The following KLF12 variants were observed in gnomAD, a reference collection of about 807,000 sequenced individuals.
KLF12 encodes the protein KLF transcription factor 12, also known as Krueppel-like factor 12.
A neutral mutation model predicts 37.8 loss-of-function variants in KLF12; 9 were observed. The observed-to-expected ratio is 0.24, with a 90% CI of 0.14 to 0.42. KLF12 has a LOEUF of 0.42. Among genes scored for constraint, KLF12 ranks in the 10% least tolerant of loss-of-function variants. The pLI, the probability that KLF12 is intolerant of heterozygous loss-of-function variation, is 1.00. For missense variants in KLF12, 411 were observed against 516.0 expected (o/e 0.80, Z 1.97); for synonymous variants, 208 against 202.1 (o/e 1.03, Z -0.25).
chr13:73,779,445 G>C (rs1243989124), intron 5 of KLF12, among the ~76,000 whole-genome samples: 4 of 152,174 alleles, frequency 2.6e-5, no homozygotes, highest in Non-Finnish European at 5.9e-5. Flanking sequence ...TGTCAGGTTG[G>C]TGAATACATC....
the KLF12 span, chr13:74,257,034 A>G: frequency 6.6e-6 from 1 of 152,228 alleles, no homozygotes; most frequent in East Asian, 1.9e-4. Context: ...GGAATTGTCA[A>G]AAGTTGCGGT....
At chr13:73,825,968 T>C (rs556845432) in intron 4 of KLF12, among the ~76,000 whole-genome samples, 1 of 152,034 alleles carries the variant, frequency 6.6e-6, no homozygotes, top group East Asian at 1.9e-4. Flanking sequence ...GGCAAATCAA[T>C]CATTCAACAT....
At chr13:73,737,273 T>C (rs936013997) in intron 6 of KLF12, among the ~76,000 whole-genome samples, 5 of 152,234 alleles carry the variant, frequency 3.3e-5, no homozygotes, top group African/African-American at 1.2e-4. Flanking sequence ...TAGCCTTTCT[T>C]TGAGTCACAA....
In KLF12 at chr13:74,086,707, AAAATCTTTGTG is replaced by A. The variant is rs538444200; in HGVS notation, c.-32+47021_-32+47031del. On this transcript the variant is annotated intron_variant, in intron 1 of 7. Transcript: ENST00000377669. ...CTGACCCCTACCTCGGGCACAGTGA[AAAATCTTTGTG>A]TAATGTTTGACTCCCCAAAAACTTA... Among the ~76,000 whole-genome samples the A allele has an allele frequency of 3.1e-3, 473 of 152,230 alleles. 6 individuals are homozygous for A. The highest frequency in any genetic ancestry group is 0.011 in the African/African-American group (443 of 41,528).
chr13:74,099,038 T>C (rs1876148455), intron 1 of KLF12, among the ~76,000 whole-genome samples: 1 of 152,170 alleles, frequency 6.6e-6, no homozygotes, highest in Admixed American at 6.5e-5. Flanking sequence ...ATTATCATTG[T>C]ATAAATGGGG....
chr13:73,826,751 C>T (rs1358952033), intron 4 of KLF12, among the ~76,000 whole-genome samples: 1 of 147,474 alleles, frequency 6.8e-6, no homozygotes, highest in East Asian at 2.0e-4. Flanking sequence ...TGGCATATAA[C>T]AATATCATAT....
chr13:74,233,335 C>G, the KLF12 span, among the ~76,000 whole-genome samples: 3 of 152,122 alleles, frequency 2.0e-5, no homozygotes, highest in Non-Finnish European at 4.4e-5. Flanking sequence ...CTGACCTGCT[C>G]CATCCACTAT....
At chr13:74,183,868 C>T in the KLF12 span, among the ~76,000 whole-genome samples, 1 of 152,098 alleles carries the variant, frequency 6.6e-6, no homozygotes, top group Non-Finnish European at 1.5e-5. Flanking sequence ...GCCTGGGGGA[C>T]GGAGGTTACC....
intron 1 of KLF12, among the ~76,000 whole-genome samples, chr13:74,107,275 A>G (rs1314889058): frequency 1.3e-5 from 2 of 152,248 alleles, no homozygotes; most frequent in Non-Finnish European, 2.9e-5. Flanking sequence ...TCAACAGACC[A>G]TAGTAGATGC....
At chr13:73,950,819 G>C (rs1890616474) in intron 2 of KLF12, among the ~76,000 whole-genome samples, 1 of 152,180 alleles carries the variant, frequency 6.6e-6, no homozygotes, top group Non-Finnish European at 1.5e-5. Context: ...GAAAAGAATT[G>C]ACTTCAGTCC....
intron 2 of KLF12, among the ~76,000 whole-genome samples, chr13:73,971,134 A>T (rs964152885): frequency 6.6e-6 from 1 of 152,256 alleles, no homozygotes; most frequent in African/African-American, 2.4e-5. Flanking sequence ...TTTTAAAAAT[A>T]CATATTGATA....
chr13:74,094,194 T>TA (rs1371664832), intron 1 of KLF12, among the ~76,000 whole-genome samples: 2 of 152,162 alleles, frequency 1.3e-5, no homozygotes, highest in African/African-American at 4.8e-5. Context: ...AGAAAAGGTT[T>TA]AAAATCTCAT....
intron 1 of KLF12, among the ~76,000 whole-genome samples, chr13:74,056,239 G>A (rs1873234873): frequency 6.6e-6 from 1 of 152,132 alleles, no homozygotes; most frequent in Non-Finnish European, 1.5e-5. Context: ...TAAAGAGGAA[G>A]AAAACCAAGA....
chr13:74,190,274 A>G, the KLF12 span, among the ~76,000 whole-genome samples: 4 of 152,178 alleles, frequency 2.6e-5, no homozygotes, highest in African/African-American at 9.6e-5. Context: ...GAAAAACACT[A>G]TCTTAGTAGA....
chr13:74,035,157 T>C (rs1294297533), intron 1 of KLF12, among the ~76,000 whole-genome samples: 4 of 152,222 alleles, frequency 2.6e-5, no homozygotes, highest in Non-Finnish European at 4.4e-5. Flanking sequence ...CCAAAGATGC[T>C]TGAGCCCATT....
chr13:74,007,522 G>A (rs970241281), intron 1 of KLF12, among the ~76,000 whole-genome samples: 3 of 152,122 alleles, frequency 2.0e-5, no homozygotes, highest in East Asian at 3.9e-4. Context: ...TGATCCGCCC[G>A]CCTCGGCCTC....
intron 3 of KLF12, among the ~76,000 whole-genome samples, chr13:73,889,594 A>G (rs2139009983): frequency 6.6e-6 from 1 of 152,318 alleles, no homozygotes; most frequent in South Asian, 2.1e-4. Flanking sequence ...AGAAAACTCA[A>G]TGATAAATGT....
At chr13:74,029,722 T>C (rs1324522008) in intron 1 of KLF12, among the ~76,000 whole-genome samples, 1 of 152,084 alleles carries the variant, frequency 6.6e-6, no homozygotes, top group Non-Finnish European at 1.5e-5. Flanking sequence ...CCTTGCTTTC[T>C]AGCATAAATA....
intron 2 of KLF12, among the ~76,000 whole-genome samples, chr13:73,985,433 C>T (rs985931704): frequency 1.3e-5 from 2 of 152,134 alleles, no homozygotes; most frequent in Non-Finnish European, 2.9e-5. Flanking sequence ...TGATTGAAAA[C>T]AGGGAAAGGG....
Sources: gnomAD v4.1 joint callset for allele counts (sites outside exome capture counted in the v4.1 genomes callset) on GRCh38, gnomAD v4.1.1 for gene constraint, MANE v1.5 for transcripts, NCBI Gene and HGNC (gene_info 2026-07-23, HGNC 2026-07-21) for gene names.